Variants in PRKCA observed in about 807,000 individuals in gnomAD.
PRKCA encodes protein kinase C alpha.
A neutral mutation model predicts 87.0 loss-of-function variants in PRKCA; 27 were observed. The ratio of observed to expected loss-of-function variants is 0.31; its 90% CI spans 0.23 to 0.43. The LOEUF (loss-of-function observed/expected upper bound fraction) is 0.43. PRKCA is among the 20% of genes least tolerant of loss of function. The pLI is 1.00. For missense variants in PRKCA, 518 were observed against 852.3 expected, an observed-to-expected ratio of 0.61 and a Z score of 4.88; for synonymous variants, 329 against 311.1, an observed-to-expected ratio of 1.06 and a Z score of -0.61.
intron 8 of PRKCA, among the ~76,000 whole-genome samples, chr17:66,697,793 C>A (rs541619969): frequency 3.9e-5 from 6 of 151,972 alleles, no homozygotes; most frequent in African/African-American, 1.5e-4. Flanking sequence ...ACTCTACACC[C>A]CCCACCCCCA....
intron 8 of PRKCA, among the ~76,000 whole-genome samples, chr17:66,692,169 C>T (rs963339119): frequency 6.6e-6 from 1 of 152,216 alleles, no homozygotes; most frequent in Non-Finnish European, 1.5e-5. Flanking sequence ...GGTGGAGGCT[C>T]TGCTCTTCAG....
At chr17:66,535,353 C>T (rs1279913472) in intron 3 of PRKCA, among the ~76,000 whole-genome samples, 1 of 152,216 alleles carries the variant, frequency 6.6e-6, no homozygotes, top group African/African-American at 2.4e-5. Flanking sequence ...GTGTGTCCAT[C>T]AGGTTAGGGG....
intron 2 of PRKCA, among the ~76,000 whole-genome samples, chr17:66,442,506 T>TA (rs1913825934): frequency 6.6e-6 from 1 of 152,116 alleles, no homozygotes; most frequent in Non-Finnish European, 1.5e-5. Flanking sequence ...TGTAATCATT[T>TA]AAAGGCTTCC....
chr17:66,628,125 G>A (rs1449012510), intron 3 of PRKCA, among the ~76,000 whole-genome samples: 1 of 151,800 alleles, frequency 6.6e-6, no homozygotes, highest in Non-Finnish European at 1.5e-5. Context: ...GGCTCAGCAA[G>A]CGTCCAGCAC....
At chr17:66,325,645 A>G (rs147359331) in intron 2 of PRKCA, among the ~76,000 whole-genome samples, 1 of 152,272 alleles carries the variant, frequency 6.6e-6, no homozygotes, top group East Asian at 1.9e-4. Flanking sequence ...GCAAGTCAGG[A>G]GGCTAATGTT....
chr17:66,307,743 T>C (rs1486449714), intron 2 of PRKCA, among the ~76,000 whole-genome samples: 2 of 152,162 alleles, frequency 1.3e-5, no homozygotes, highest in African/African-American at 4.8e-5. Context: ...TTTAGTGGAT[T>C]AGCAGATTAA....
chr17:66,538,096 G>A (rs759090810), intron 3 of PRKCA, among the ~76,000 whole-genome samples: 3 of 152,188 alleles, frequency 2.0e-5, no homozygotes, highest in East Asian at 1.9e-4. Context: ...CCACCACCAC[G>A]CCTGACTCCT....
chr17:66,313,555 T>C (rs1003125322), intron 2 of PRKCA, among the ~76,000 whole-genome samples: 5 of 152,194 alleles, frequency 3.3e-5, no homozygotes, highest in African/African-American at 9.7e-5. Context: ...GAGTGTATCA[T>C]GGGCTATAGC....
At chr17:66,347,941 C>CTATTTTTTTTT (rs1907495920) in intron 2 of PRKCA, among the ~76,000 whole-genome samples, 1 of 56,440 alleles carries the variant, frequency 1.8e-5, no homozygotes, top group Non-Finnish European at 3.3e-5. Context: ...AATTCTGAAC[C>CTATTTTTTTTT]TTTTTTTTTT....
chr17:66,799,388 G>A (rs1598955490), intron 16 of PRKCA, among the ~76,000 whole-genome samples: 1 of 36,656 alleles, frequency 2.7e-5, no homozygotes. Context: ...GGTGGTGATG[G>A]TGGTGGTGGT....
At chr17:66,452,083 T>A (rs1169711332) in intron 2 of PRKCA, among the ~76,000 whole-genome samples, 1 of 152,198 alleles carries the variant, frequency 6.6e-6, no homozygotes, top group Non-Finnish European at 1.5e-5. Flanking sequence ...GTATGGCCCC[T>A]CCATGCAGCA....
chr17:66,804,059 A>T lies in PRKCA; in HGVS notation c.*22A>T, dbSNP rs1975968204. On this transcript the variant is annotated 3_prime_UTR_variant, in exon 17 of 17. Coordinates refer to ENST00000413366, the MANE Select transcript of PRKCA (RefSeq NM_002737.3). ...ATGAAACTCACCAGCGAGAACAAAC[A>T]CCTCCCCAGCCCCCAGCCCTCCCCG... 3 of 1,590,116 alleles carry T rather than the reference A, an allele frequency of 1.9e-6. No homozygotes were observed. The East Asian group carries it at 6.8e-5, about 36-fold the overall frequency.
chr17:66,437,347 A>G (rs1206281548), intron 2 of PRKCA, among the ~76,000 whole-genome samples: 1 of 152,190 alleles, frequency 6.6e-6, no homozygotes, highest in Non-Finnish European at 1.5e-5. Context: ...TGTGACTGGT[A>G]TAAATGTCGA....
intron 3 of PRKCA, among the ~76,000 whole-genome samples, chr17:66,544,491 T>C (rs1968088486): frequency 6.6e-6 from 1 of 152,186 alleles, no homozygotes. Context: ...AAAGAAAATA[T>C]TCAGTTTTCC....
chr17:66,768,371 G>A (rs933779421), intron 13 of PRKCA, among the ~76,000 whole-genome samples: 1 of 151,990 alleles, frequency 6.6e-6, no homozygotes. Flanking sequence ...ACAGGCATGA[G>A]CCACTGTGCC....
chr17:66,464,315 T>C (rs1914990830), intron 2 of PRKCA, among the ~76,000 whole-genome samples: 1 of 152,224 alleles, frequency 6.6e-6, no homozygotes. Flanking sequence ...TTGGGGCAAT[T>C]ATGAAGAAGG....
chr17:66,309,159 G>C (rs891841595), intron 2 of PRKCA, among the ~76,000 whole-genome samples: 8 of 152,134 alleles, frequency 5.3e-5, no homozygotes, highest in Non-Finnish European at 1.0e-4. Context: ...TATGCTCCCA[G>C]TGACTCACAT....
At chr17:66,341,919 A>G (rs1907064840) in intron 2 of PRKCA, among the ~76,000 whole-genome samples, 1 of 152,220 alleles carries the variant, frequency 6.6e-6, no homozygotes, top group Non-Finnish European at 1.5e-5. Flanking sequence ...GCTCTTATGC[A>G]AGGAATTCAA....
chr17:66,512,703 C>A (rs1917293621), intron 3 of PRKCA, among the ~76,000 whole-genome samples: 1 of 151,984 alleles, frequency 6.6e-6, no homozygotes, highest in South Asian at 2.1e-4. Context: ...TTAGATCATA[C>A]CCCCCTTGTT....
Sources: allele counts gnomAD v4.1 joint callset (sites outside exome capture counted in the v4.1 genomes callset), GRCh38; gene constraint gnomAD v4.1.1; transcripts MANE v1.5; gene names NCBI Gene and HGNC (gene_info 2026-07-23, HGNC 2026-07-21).